L3MBTL4: variants seen among roughly 807,000 people sequenced by gnomAD.
L3MBTL4 encodes lethal(3)malignant brain tumor-like protein 4.
A neutral mutation model predicts 84.5 loss-of-function variants in L3MBTL4; 70 were observed. The observed-to-expected ratio is 0.83, with a 90% CI of 0.68 to 1.01. The LOEUF is 1.01. Ranked by LOEUF, L3MBTL4 falls within the 50% of genes least tolerant of loss-of-function variation. The pLI is 0.00. For synonymous variants in L3MBTL4, 274 were observed against 259.8 expected (o/e 1.05, Z -0.52); for missense variants, 715 against 754.8 (o/e 0.95, Z 0.62).
chr18:6,034,962 G>C (rs2056048550), intron 16 of L3MBTL4, among the ~76,000 whole-genome samples: 1 of 151,292 alleles, frequency 6.6e-6, no homozygotes, highest in Non-Finnish European at 1.5e-5. Context: ...AGAAGTGTCT[G>C]TTCATGTCCT....
Position 6,243,401 on chromosome 18 carries a change from A to G in L3MBTL4, c.353T>C (p.Phe118Ser), listed in dbSNP as rs2047531645. 1.2e-6 allele frequency: 2 copies of G among 1,607,766 alleles called. No individual in the cohort carries two copies. Among genetic ancestry groups the G allele is most frequent in the Non-Finnish European group, 1.7e-6 (2 of 1,177,290 alleles). Reference protein sequence around the residue: ...EVCGYRLRLHFDGYLSCYDFW... With the variant: ...EVCGYRLRLHSDGYLSCYDFW... ...ATCATAGCAACTTAAATAACCATCA[A>G]AATGAAGTCTTAGACGGTAACCACA... The change falls in exon 7 of 19, where the codon TTT becomes TCT. Residue 118 changes from phenylalanine to serine, a missense_variant. By Grantham distance (155) the Phe-to-Ser change is radical. Transcript: ENST00000317931.
At chr18:6,032,671 T>C (rs184980186) in intron 16 of L3MBTL4, among the ~76,000 whole-genome samples, 2 of 152,274 alleles carry the variant, frequency 1.3e-5, no homozygotes, top group Admixed American at 6.5e-5. Flanking sequence ...CTCTTCAACA[T>C]GTTAAACTCA....
chr18:5,984,716 A>G (rs894013009), intron 16 of L3MBTL4, among the ~76,000 whole-genome samples: 6 of 152,206 alleles, frequency 3.9e-5, no homozygotes, highest in Non-Finnish European at 1.5e-5. Context: ...TTTCTTGGTG[A>G]GAAAATTAAT....
At chr18:6,125,480 G>A (rs2059662921) in intron 14 of L3MBTL4, among the ~76,000 whole-genome samples, 1 of 152,182 alleles carries the variant, frequency 6.6e-6, no homozygotes, top group African/African-American at 2.4e-5. Context: ...CCAGGCTGGA[G>A]TGTAGTGGCG....
At chr18:6,046,492 C>T (rs2056624194) in intron 16 of L3MBTL4, among the ~76,000 whole-genome samples, 1 of 152,100 alleles carries the variant, frequency 6.6e-6, no homozygotes, top group Admixed American at 6.5e-5. Flanking sequence ...CCAAGATAAA[C>T]TACATGATTG....
At chr18:6,052,463 G>C (rs913218231) in intron 16 of L3MBTL4, among the ~76,000 whole-genome samples, 1 of 152,130 alleles carries the variant, frequency 6.6e-6, no homozygotes, top group African/African-American at 2.4e-5. Flanking sequence ...GAAATATATT[G>C]GATTGTAATA....
chr18:6,174,865 A>C (rs77282856), intron 12 of L3MBTL4, among the ~76,000 whole-genome samples: 1 of 124,712 alleles, frequency 8.0e-6, no homozygotes, highest in African/African-American at 3.8e-5. Context: ...AAACTCTGTC[A>C]AAAAAAAAAA....
chr18:6,252,342 T>C lies in L3MBTL4; in HGVS notation c.220-7754A>G, dbSNP rs112217981. On this transcript the variant is annotated intron_variant, in intron 5 of 18. Coordinates refer to ENST00000317931, the MANE Select transcript of L3MBTL4 (RefSeq NM_001330559.2). Reference sequence around the variant, plus strand: ...AAAAGAAAAAAGCAAGACACATCACTGCATCTGCCGAGGCAGAATGACAGC... The same window carrying C: ...AAAAGAAAAAAGCAAGACACATCACCGCATCTGCCGAGGCAGAATGACAGC... Among the ~76,000 whole-genome samples, 339 of 152,182 alleles carry C rather than the reference T, an allele frequency of 2.2e-3. 2 individuals carry two copies. The highest frequency in any genetic ancestry group is 7.6e-3 in the African/African-American group (314 of 41,494).
intron 10 of L3MBTL4, among the ~76,000 whole-genome samples, chr18:6,224,241 T>C (rs1275064051): frequency 6.6e-6 from 1 of 152,042 alleles, no homozygotes; most frequent in Non-Finnish European, 1.5e-5. Context: ...AAATGAAAAC[T>C]GACTTAACAA....
intron 14 of L3MBTL4, among the ~76,000 whole-genome samples, chr18:6,113,756 G>C (rs533558608): frequency 6.6e-6 from 1 of 152,300 alleles, no homozygotes; most frequent in African/African-American, 2.4e-5. Context: ...ACAACTCAAA[G>C]ATAACTTGAG....
chr18:6,000,183 T>C lies in L3MBTL4; in HGVS notation c.1445-30621A>G, dbSNP rs555835201. ...ATGTGAATGAGACCAGTAAAATCTA[T>C]TAAATTTTTAAAATGTATCCATAAA... On this transcript the variant is annotated intron_variant, in intron 16 of 18. Coordinates refer to ENST00000317931, the MANE Select transcript of L3MBTL4 (RefSeq NM_001330559.2). 1.5e-4 allele frequency among the ~76,000 whole-genome samples: 23 copies of C among 152,312 alleles called. No homozygotes were observed. The South Asian group carries it at 4.6e-3, about 30-fold the overall frequency.
At chr18:6,095,346 G>GTTTTTTTTTTTTTTT (rs71370544) in intron 14 of L3MBTL4, among the ~76,000 whole-genome samples, 1 of 122,954 alleles carries the variant, frequency 8.1e-6, no homozygotes, top group Non-Finnish European at 1.6e-5. Context: ...GGGGAACATG[G>GTTTTTTTTTTTTTTT]TTTTTTTTTT....
chr18:6,055,002 G>A (rs757127284), intron 16 of L3MBTL4, among the ~76,000 whole-genome samples: 19 of 152,134 alleles, frequency 1.2e-4, no homozygotes, highest in Non-Finnish European at 1.6e-4. Context: ...TTTAAGCCTC[G>A]TTCAGAGGAA....
chr18:6,205,157 T>A (rs76969708), intron 12 of L3MBTL4, among the ~76,000 whole-genome samples: 8,351 of 152,150 alleles, frequency 0.055, 728 homozygotes, highest in African/African-American at 0.19. Flanking sequence ...AAGAAATTAC[T>A]ACAGTGCTGA....
At chr18:6,403,748 A>G (rs2055606983) in intron 1 of L3MBTL4, among the ~76,000 whole-genome samples, 1 of 152,254 alleles carries the variant, frequency 6.6e-6, no homozygotes, top group South Asian at 2.1e-4. Context: ...ACTACTGGGT[A>G]TCTAGCCAAA....
chr18:6,222,825 A>G (rs1032515616), intron 10 of L3MBTL4, among the ~76,000 whole-genome samples: 2 of 151,818 alleles, frequency 1.3e-5, no homozygotes, highest in Non-Finnish European at 2.9e-5. Flanking sequence ...ATGCCAACAG[A>G]ATCTATCTAT....
chr18:6,162,841 A>T (rs771518904), intron 13 of L3MBTL4, among the ~76,000 whole-genome samples: 1 of 152,186 alleles, frequency 6.6e-6, no homozygotes, highest in African/African-American at 2.4e-5. Flanking sequence ...TTGTCTTCAG[A>T]TTCTTAGGAG....
At chr18:6,050,309 G>A (rs925926047) in intron 16 of L3MBTL4, among the ~76,000 whole-genome samples, 2 of 152,054 alleles carry the variant, frequency 1.3e-5, no homozygotes, top group African/African-American at 4.8e-5. Flanking sequence ...ACGATGTCAG[G>A]GAAACGCTTT....
In L3MBTL4 at chr18:6,212,532, T is replaced by A. The variant is rs185943785; in HGVS notation, c.981+617A>T. Among the ~76,000 whole-genome samples, 527 of 152,350 alleles carry A rather than the reference T, an allele frequency of 3.5e-3. 1 individual carries two copies. Among genetic ancestry groups the A allele is most frequent in the Non-Finnish European group, 5.7e-3 (389 of 68,032 alleles). On this transcript the variant is annotated intron_variant, in intron 12 of 18. Transcript: ENST00000317931. ...CTCTGAGAAAAATACAGTATAGAAA[T>A]CTTTTAATCAAATCTTTAATTCAAA... is the stretch of plus-strand genomic sequence containing the variant.
Sources: allele counts gnomAD v4.1 joint callset (sites outside exome capture counted in the v4.1 genomes callset), GRCh38; gene constraint gnomAD v4.1.1; transcripts MANE v1.5; gene names NCBI Gene and HGNC (gene_info 2026-07-23, HGNC 2026-07-21).